Variants in ULK4 observed in about 807,000 individuals in gnomAD.
ULK4 encodes unc-51 like kinase 4.
A neutral mutation model predicts 160.6 loss-of-function variants in ULK4; 133 were observed. The ratio of observed to expected loss-of-function variants is 0.83; its 90% CI spans 0.72 to 0.96. ULK4 has a LOEUF of 0.96. Among genes scored for constraint, ULK4 ranks in the 40% least tolerant of loss-of-function variants. ULK4 has a pLI of 0.00. For missense variants in ULK4, 1,580 were observed against 1,499.5 expected (o/e 1.05, Z -0.89); for synonymous variants, 534 against 539.8 (o/e 0.99, Z 0.15).
chr3:41,519,831 G>A (rs980414255), intron 32 of ULK4, among the ~76,000 whole-genome samples: 1 of 152,188 alleles, frequency 6.6e-6, no homozygotes, highest in Non-Finnish European at 1.5e-5. Flanking sequence ...TTTGTAAGTT[G>A]CATATGTATC....
intron 30 of ULK4, among the ~76,000 whole-genome samples, chr3:41,658,262 T>G (rs556251602): frequency 6.6e-6 from 1 of 152,308 alleles, no homozygotes; most frequent in Non-Finnish European, 1.5e-5. Flanking sequence ...GTTCTCAAAC[T>G]TGTTTGCACA....
intron 2 of ULK4, among the ~76,000 whole-genome samples, chr3:41,939,872 G>A (rs57377508): frequency 0.013 from 1,986 of 152,236 alleles, 37 homozygotes; most frequent in African/African-American, 0.045. Flanking sequence ...GCATAGGAGG[G>A]ATCTAGGCTG....
chr3:41,393,172 T>C (rs1211844146), intron 35 of ULK4, among the ~76,000 whole-genome samples: 1 of 152,200 alleles, frequency 6.6e-6, no homozygotes. Flanking sequence ...ACAAAACCGC[T>C]GTATTTTATG....
In ULK4 at chr3:41,363,928, C is replaced by CTTTTT. The variant is rs201380727; in HGVS notation, c.3678+34150_3678+34151insAAAAA. Among the ~76,000 whole-genome samples, 825 of 135,246 alleles carry CTTTTT rather than the reference C, an allele frequency of 6.1e-3. 9 individuals are homozygous for CTTTTT. The highest frequency in any genetic ancestry group is 0.022 in the African/African-American group (790 of 35,438). 88.7% of individuals were successfully genotyped at this position (135,246 alleles called of 152,430 possible). A position where few individuals can be genotyped will look rare whatever the true frequency, so the allele number is the denominator to read the frequency against. On this transcript the variant is annotated intron_variant, in intron 35 of 36. Coordinates refer to ENST00000301831, the MANE Select transcript of ULK4 (RefSeq NM_017886.4). ...GATTTGAACCCTCCATCCAAATTCT[C>CTTTTT]TCTCTTTTTTTTTTTCTGTAGATAC...
intron 1 of ULK4, among the ~76,000 whole-genome samples, chr3:41,956,352 C>T (rs1298434536): frequency 6.6e-6 from 1 of 152,168 alleles, no homozygotes; most frequent in Non-Finnish European, 1.5e-5. Flanking sequence ...GTATCTGTAT[C>T]CCTGCCCTCC....
chr3:41,371,805 G>C (rs1212023158), intron 35 of ULK4, among the ~76,000 whole-genome samples: 3 of 152,060 alleles, frequency 2.0e-5, no homozygotes, highest in African/African-American at 7.2e-5. Flanking sequence ...TTGATGAATT[G>C]ACAGAAGTAG....
chr3:41,751,262 G>A (rs1391899502), intron 22 of ULK4, among the ~76,000 whole-genome samples: 4 of 152,124 alleles, frequency 2.6e-5, no homozygotes, highest in Non-Finnish European at 5.9e-5. Context: ...GGACAGATTG[G>A]CCCACCATTT....
intron 32 of ULK4, among the ~76,000 whole-genome samples, chr3:41,546,521 T>C (rs746922290): frequency 2.6e-5 from 4 of 152,142 alleles, no homozygotes; most frequent in Non-Finnish European, 4.4e-5. Context: ...CCTTGCAACA[T>C]GTACCCCACA....
At chr3:41,809,140 T>C (rs1488101061) in intron 19 of ULK4, among the ~76,000 whole-genome samples, 1 of 146,502 alleles carries the variant, frequency 6.8e-6, no homozygotes, top group African/African-American at 2.6e-5. Flanking sequence ...CACTCCAGCC[T>C]GTGCAACAGA....
chr3:41,506,099 C>T (rs1400163687), intron 32 of ULK4, among the ~76,000 whole-genome samples: 1 of 152,110 alleles, frequency 6.6e-6, no homozygotes, highest in South Asian at 2.1e-4. Context: ...ATGTCTTTCA[C>T]ATAAACAGTG....
At chr3:41,824,565 T>C (rs1341523299) in intron 18 of ULK4, among the ~76,000 whole-genome samples, 3 of 152,158 alleles carry the variant, frequency 2.0e-5, no homozygotes, top group Non-Finnish European at 2.9e-5. Context: ...GCCTCGCTCA[T>C]TGCTAGCACA....
At chr3:41,859,628 C>A in intron 17 of ULK4, 1 of 475,234 alleles carries the variant, frequency 2.1e-6, no homozygotes, top group Non-Finnish European at 4.1e-6. Context: ...TCTGCCCCAC[C>A]GCTTCATTTC....
chr3:41,477,196 T>C (rs1234014583), intron 32 of ULK4, among the ~76,000 whole-genome samples: 1 of 152,214 alleles, frequency 6.6e-6, no homozygotes, highest in Non-Finnish European at 1.5e-5. Context: ...TTGTATGAAT[T>C]ATAAGCAAAC....
In ULK4 at chr3:41,411,506, C is replaced by T. The variant is rs188017373; in HGVS notation, c.3493-13242G>A. The stretch of plus-strand genomic sequence containing the variant: ...GCAGTGGCGCTATCTCAGCTCACTG[C>T]AACCTCTGCCTCCGGGGTTCAAGTG... On this transcript the variant is annotated intron_variant, in intron 34 of 36. Transcript: ENST00000301831. Among the ~76,000 whole-genome samples the T allele has an allele frequency of 1.6e-3, 237 of 151,726 alleles. 1 individual carries two copies. The highest frequency in any genetic ancestry group is 5.5e-3 in the African/African-American group (227 of 41,302).
chr3:41,895,363 T>C (rs1698117496), intron 16 of ULK4, among the ~76,000 whole-genome samples, 155 bp downstream of exon 16: 1 of 152,240 alleles, frequency 6.6e-6, no homozygotes, highest in South Asian at 2.1e-4. Flanking sequence ...AAATTTATCA[T>C]TGGAATGCCC....
intron 35 of ULK4, among the ~76,000 whole-genome samples, chr3:41,307,157 A>AT (rs1294061594): frequency 9.0e-6 from 1 of 111,236 alleles, no homozygotes; most frequent in South Asian, 2.7e-4. Flanking sequence ...AAATAAATAA[A>AT]TTAAAAAAAA....
intron 34 of ULK4, among the ~76,000 whole-genome samples, chr3:41,433,912 C>T (rs1464607430): frequency 6.6e-6 from 1 of 152,106 alleles, no homozygotes; most frequent in African/African-American, 2.4e-5. Context: ...TTAGTAGAGA[C>T]AGGGTTTCAC....
intron 35 of ULK4, among the ~76,000 whole-genome samples, chr3:41,328,805 G>A (rs1190662926): frequency 6.6e-6 from 1 of 152,112 alleles, no homozygotes; most frequent in Non-Finnish European, 1.5e-5. Flanking sequence ...CACGGAGTGG[G>A]GTGGGCACGT....
chr3:41,455,347 G>T (rs1403240390), intron 34 of ULK4, 150 bp downstream of exon 34: 4 of 656,748 alleles, frequency 6.1e-6, no homozygotes, highest in African/African-American at 5.5e-5. Context: ...TAGAGATTTA[G>T]TTTTCCAGGC....
Sources: allele counts gnomAD v4.1 joint callset (sites outside exome capture counted in the v4.1 genomes callset), GRCh38; gene constraint gnomAD v4.1.1; transcripts MANE v1.5; gene names NCBI Gene and HGNC (gene_info 2026-07-23, HGNC 2026-07-21).